Variants in DENND5B observed in about 807,000 individuals in gnomAD.
DENND5B encodes the protein DENN domain-containing protein 5B.
In DENND5B, 34 loss-of-function variants were observed where a neutral mutation model predicts 140.6. That is an observed-to-expected ratio of 0.24 (90% CI 0.18 to 0.32). The LOEUF (loss-of-function observed/expected upper bound fraction) is 0.32, where lower values mean the gene tolerates loss of function less well. Among genes scored for constraint, DENND5B ranks in the 10% least tolerant of loss-of-function variants. The pLI is 1.00. For missense variants in DENND5B, 1,142 were observed against 1,560.2 expected (o/e 0.73, Z 4.52); for synonymous variants, 551 against 562.1 (o/e 0.98, Z 0.28).
At chr12:31,510,434 G>A (rs1055762708) in intron 1 of DENND5B, among the ~76,000 whole-genome samples, 1 of 152,140 alleles carries the variant, frequency 6.6e-6, no homozygotes, top group African/African-American at 2.4e-5. Flanking sequence ...TCCTGCCTCA[G>A]CCTCCCGGGT....
intron 3 of DENND5B, among the ~76,000 whole-genome samples, chr12:31,463,884 T>C (rs1945137891): frequency 6.6e-6 from 1 of 152,168 alleles, no homozygotes; most frequent in East Asian, 1.9e-4. Context: ...GCCGGGCTGG[T>C]CTCGAACTCC....
At chr12:31,532,751 G>A (rs756392655) in intron 1 of DENND5B, among the ~76,000 whole-genome samples, 2 of 152,180 alleles carry the variant, frequency 1.3e-5, no homozygotes, top group Non-Finnish European at 2.9e-5. Flanking sequence ...TTGGCAACTA[G>A]TTAGATTGTG....
chr12:31,576,464 GTAA>G (rs1950022266), intron 1 of DENND5B, among the ~76,000 whole-genome samples: 1 of 150,270 alleles, frequency 6.7e-6, no homozygotes, highest in Non-Finnish European at 1.5e-5. Flanking sequence ...TCAAAAAAAA[GTAA>G]TAATAATGAA....
intron 1 of DENND5B, among the ~76,000 whole-genome samples, chr12:31,507,886 G>A (rs1947264504): frequency 6.6e-6 from 1 of 152,050 alleles, no homozygotes. Flanking sequence ...TTCTCTTATA[G>A]AAAACACATT....
At chr12:31,494,218 AC>A (rs1555162956) in intron 2 of DENND5B, among the ~76,000 whole-genome samples, 1 of 64,412 alleles carries the variant, frequency 1.6e-5, no homozygotes, top group African/African-American at 5.8e-5. Flanking sequence ...CTACCTACCT[AC>A]CTCTACCTAC....
intron 8 of DENND5B, chr12:31,432,942 T>A (rs1169767800): frequency 2.0e-6 from 1 of 497,186 alleles, no homozygotes; most frequent in East Asian, 3.5e-5. Flanking sequence ...AGACTTGTTT[T>A]AGAGCCTTAT....
intron 3 of DENND5B, among the ~76,000 whole-genome samples, chr12:31,474,256 A>G (rs1012665120): frequency 2.0e-5 from 3 of 149,936 alleles, no homozygotes; most frequent in African/African-American, 7.3e-5. Flanking sequence ...AGGCCCAAAA[A>G]TGTTTCTTAG....
intron 1 of DENND5B, among the ~76,000 whole-genome samples, chr12:31,585,336 C>T (rs1270844813): frequency 6.6e-6 from 1 of 152,180 alleles, no homozygotes; most frequent in Non-Finnish European, 1.5e-5. Context: ...TATTGTGAGC[C>T]AAGGATGTCA....
chr12:31,575,715 GGGAGGCCCA>G (rs1255737757), intron 1 of DENND5B, among the ~76,000 whole-genome samples: 1 of 151,716 alleles, frequency 6.6e-6, no homozygotes, highest in Non-Finnish European at 1.5e-5. Context: ...CCAGCACTTT[GGGAGGCCCA>G]GGCAGGATAG....
chr12:31,493,035 G>A (rs544143660), intron 2 of DENND5B, among the ~76,000 whole-genome samples: 2 of 152,276 alleles, frequency 1.3e-5, no homozygotes, highest in South Asian at 2.1e-4. Flanking sequence ...TCCCTAGAGC[G>A]AGCCCAGGCT....
At chr12:31,416,500 G>C (rs1390140289) in intron 11 of DENND5B, among the ~76,000 whole-genome samples, 2 of 152,054 alleles carry the variant, frequency 1.3e-5, no homozygotes, top group African/African-American at 4.8e-5. Context: ...CTTAACTCAA[G>C]TGATCTGCCC....
At chr12:31,541,170 C>T in intron 1 of DENND5B, 1 of 267,316 alleles carries the variant, frequency 3.7e-6, no homozygotes, top group Non-Finnish European at 7.7e-6. Context: ...TGAGTAATAC[C>T]CCACAAGCAC....
intron 8 of DENND5B, among the ~76,000 whole-genome samples, chr12:31,430,269 C>T (rs897932870): frequency 6.6e-6 from 1 of 151,180 alleles, no homozygotes; most frequent in Non-Finnish European, 1.5e-5. Flanking sequence ...GTGATCCGCC[C>T]GCCTCGTCCT....
intron 1 of DENND5B, among the ~76,000 whole-genome samples, chr12:31,562,450 C>T (rs530184442): frequency 9.2e-5 from 14 of 152,042 alleles, no homozygotes; most frequent in African/African-American, 3.4e-4. Flanking sequence ...ATCTCTAATA[C>T]AAATACAAAA....
intron 1 of DENND5B, among the ~76,000 whole-genome samples, chr12:31,521,169 C>T (rs1947865209): frequency 6.6e-6 from 1 of 150,800 alleles, no homozygotes; most frequent in Non-Finnish European, 1.5e-5. Flanking sequence ...GGAAATAATG[C>T]TAACTGAATA....
intron 1 of DENND5B, among the ~76,000 whole-genome samples, chr12:31,517,910 C>T (rs1351715692): frequency 6.6e-6 from 1 of 152,198 alleles, no homozygotes; most frequent in East Asian, 1.9e-4. Flanking sequence ...CTAACCCTTC[C>T]TATAACTTGT....
intron 1 of DENND5B, among the ~76,000 whole-genome samples, chr12:31,516,849 G>A (rs1227101593): frequency 1.3e-5 from 2 of 152,094 alleles, no homozygotes; most frequent in African/African-American, 2.4e-5. Context: ...TGAAGTGGGA[G>A]GGCTGCTTGA....
chr12:31,518,080 G>A (rs746014096), intron 1 of DENND5B, among the ~76,000 whole-genome samples: 1 of 152,174 alleles, frequency 6.6e-6, no homozygotes, highest in African/African-American at 2.4e-5. Context: ...GAGAGGCAGG[G>A]AAAGAGCTTT....
intron 1 of DENND5B, among the ~76,000 whole-genome samples, chr12:31,503,568 C>T (rs1947090001): frequency 6.6e-6 from 1 of 152,102 alleles, no homozygotes; most frequent in Admixed American, 6.6e-5. Context: ...ACAATTGACA[C>T]TGAAAATCAC....
Sources: allele counts gnomAD v4.1 joint callset (sites outside exome capture counted in the v4.1 genomes callset), GRCh38; gene constraint gnomAD v4.1.1; transcripts MANE v1.5; gene names NCBI Gene and HGNC (gene_info 2026-07-23, HGNC 2026-07-21).